The following MINAR1 variants were observed in gnomAD, a reference collection of about 807,000 sequenced individuals.
MINAR1 encodes the protein major intrinsically disordered Notch2-binding receptor 1.
A neutral mutation model predicts 65.1 loss-of-function variants in MINAR1; 40 were observed. The observed-to-expected ratio is 0.61, with a 90% CI of 0.48 to 0.80. The LOEUF (loss-of-function observed/expected upper bound fraction) is 0.80. Ranked by LOEUF, MINAR1 falls within the 30% of genes least tolerant of loss-of-function variation. MINAR1 has a pLI of 0.00. For synonymous variants in MINAR1, 482 were observed against 449.1 expected, an observed-to-expected ratio of 1.07 and a Z score of -0.93; for missense variants, 1,128 against 1,148.0, an observed-to-expected ratio of 0.98 and a Z score of 0.25.
chr15:79,443,773 T>C lies in MINAR1; in HGVS notation c.-51+11233T>C, dbSNP rs542883968. Among the ~76,000 whole-genome samples the C allele has an allele frequency of 2.0e-5, 3 of 152,326 alleles. No individual in the cohort carries two copies. The East Asian group carries it at 5.8e-4, about 29-fold the overall frequency. ...TCAAAAGTGTTTGATAACAGTTTTG[T>C]CTCCTTATGAACCTATGTGCATGCT... On this transcript the variant is annotated intron_variant, in intron 1 of 3. Transcript: ENST00000305428.
Position 79,463,103 on chromosome 15 carries a change from C to T in MINAR1, c.2335C>T (p.Leu779=). 6.2e-7 allele frequency: 1 copy of T among 1,614,156 alleles called. No individual in the cohort carries two copies. Among genetic ancestry groups the T allele is most frequent in the Non-Finnish European group, 8.5e-7 (1 of 1,179,988 alleles). The change falls in exon 3 of 4, where the codon CTG becomes TTG. Residue 779 remains leucine, a synonymous_variant. Coordinates refer to ENST00000305428, the MANE Select transcript of MINAR1 (RefSeq NM_015206.3). ...RQYDIPPQHR[L]PKQPKDGFLV... is the part of the protein sequence containing the mutation. Reference sequence around the variant, plus strand: ...GTACGACATTCCCCCACAGCACCGACTGCCCAAGCAGCCCAAAGATGGCTT... The same window carrying T: ...GTACGACATTCCCCCACAGCACCGATTGCCCAAGCAGCCCAAAGATGGCTT...
intron 2 of MINAR1, among the ~76,000 whole-genome samples, chr15:79,462,622 C>G (rs1194200924): frequency 6.6e-6 from 1 of 152,150 alleles, no homozygotes; most frequent in African/African-American, 2.4e-5. Context: ...GTATCTTTTA[C>G]TCATCTGTAC....
intron 1 of MINAR1, among the ~76,000 whole-genome samples, chr15:79,440,519 G>C (rs11072848): frequency 0.2 from 31,056 of 152,188 alleles, 3,373 homozygotes; most frequent in South Asian, 0.33. Context: ...AGTGTTCCCT[G>C]TCTTAGAAGC....
intron 3 of MINAR1, among the ~76,000 whole-genome samples, chr15:79,465,363 C>G (rs2141306022): frequency 6.6e-6 from 1 of 152,254 alleles, no homozygotes; most frequent in South Asian, 2.1e-4. Context: ...TATACATTCA[C>G]CATCAGTGGT....
chr15:79,423,939 G>A, the MINAR1 span: 1 of 152,224 alleles, frequency 6.6e-6, no homozygotes, highest in South Asian at 2.1e-4. Context: ...GCAGCTAACA[G>A]AGGGCCTGAC....
At chr15:79,428,795 A>G (rs1178334740), upstream of MINAR1, among the ~76,000 whole-genome samples, 1 of 152,184 alleles carries the variant, frequency 6.6e-6, no homozygotes, top group Non-Finnish European at 1.5e-5. Flanking sequence ...AGTTCAATAC[A>G]TCTAAAATGT....
chr15:79,450,559 TG>T (rs1366669538), intron 1 of MINAR1, among the ~76,000 whole-genome samples: 1 of 151,318 alleles, frequency 6.6e-6, no homozygotes, highest in African/African-American at 2.4e-5. Flanking sequence ...AGCTGAATAA[TG>T]AACCCCACAG....
intron 1 of MINAR1, among the ~76,000 whole-genome samples, chr15:79,452,006 A>G (rs1895219802): frequency 6.6e-6 from 1 of 151,814 alleles, no homozygotes; most frequent in Non-Finnish European, 1.5e-5. Flanking sequence ...GAGTGTGGAG[A>G]TTGTGAGTGA....
At chr15:79,451,113 A>AATGGG (rs1416622721) in intron 1 of MINAR1, among the ~76,000 whole-genome samples, 3 of 151,982 alleles carry the variant, frequency 2.0e-5, no homozygotes, top group African/African-American at 7.2e-5. Context: ...CCTTTCACAA[A>AATGGG]CCTCATCCCT....
chr15:79,458,254 C>T lies in MINAR1; in HGVS notation c.2107C>T (p.Leu703Phe), dbSNP rs1283290044. Reference sequence around the variant, plus strand: ...GCGGGTCAAGGCCTTAAAAAAAAGCCTCTTCACCAGGCCATCCTCTAGGTC... The same window carrying T: ...GCGGGTCAAGGCCTTAAAAAAAAGCTTCTTCACCAGGCCATCCTCTAGGTC... ...SLRVKALKKS[L>F]FTRPSSRSLT... Residue 703 changes from leucine (L) to phenylalanine (F), a missense_variant, in exon 2 of 4, where the codon CTC (leucine) becomes TTC (phenylalanine). Transcript: ENST00000305428. 3 of 1,614,158 alleles carry T rather than the reference C, an allele frequency of 1.9e-6. No individual in the cohort carries two copies. The highest frequency in any genetic ancestry group is 2.5e-6 in the Non-Finnish European group (3 of 1,180,046).
At chr15:79,444,183 T>C (rs1894946143) in intron 1 of MINAR1, among the ~76,000 whole-genome samples, 1 of 152,200 alleles carries the variant, frequency 6.6e-6, no homozygotes, top group Non-Finnish European at 1.5e-5. Flanking sequence ...AAAATTAGTA[T>C]CATATTAGTT....
chr15:79,452,236 TTGTG>T (rs1014858186), intron 1 of MINAR1, among the ~76,000 whole-genome samples: 20 of 151,760 alleles, frequency 1.3e-4, no homozygotes, highest in East Asian at 3.9e-4. Flanking sequence ...TATGAATGTG[TTGTG>T]TGTATGTGCA....
chr15:79,411,643 G>A, the MINAR1 span: 19 of 611,162 alleles, frequency 3.1e-5, no homozygotes, highest in Non-Finnish European at 5.0e-5. Flanking sequence ...GGGAACAGGT[G>A]AGTTAAACTG....
At chr15:79,416,977 C>G in the MINAR1 span, 1 of 152,268 alleles carries the variant, frequency 6.6e-6, no homozygotes, top group Non-Finnish European at 1.5e-5. Flanking sequence ...TCTGGAAAAT[C>G]TCTACCTTCC....
chr15:79,457,103 C>G lies in MINAR1; in HGVS notation c.956C>G (p.Pro319Arg), dbSNP rs984893553. 6.2e-7 allele frequency: 1 copy of G among 1,614,118 alleles called. No individual in the cohort carries two copies. The highest frequency in any genetic ancestry group is 1.3e-5 in the African/African-American group (1 of 75,026). ...NSQYLNPVYS[P>R]VPDKRRAKHE... is the part of the protein sequence containing the mutation. ...CAGTACCTGAATCCAGTGTATTCCCCGGTTCCTGACAAAAGGCGAGCAAAG... is the reference window on the plus strand; with the variant it reads ...CAGTACCTGAATCCAGTGTATTCCCGGGTTCCTGACAAAAGGCGAGCAAAG... Residue 319 changes from proline to arginine, a missense_variant, in exon 2 of 4, where the codon CCG becomes CGG. Transcript: ENST00000305428.
chr15:79,459,621 G>A lies in MINAR1; in HGVS notation c.2298+1176G>A, dbSNP rs188956262. Among the ~76,000 whole-genome samples, 183 of 152,318 alleles carry A rather than the reference G, an allele frequency of 1.2e-3. 1 individual carries two copies. Among genetic ancestry groups the A allele is most frequent in the African/African-American group, 4.2e-3 (174 of 41,558 alleles). ...GAGAGTGACAGTGGTGTGGGCTACA[G>A]ACATTCAAAGCCAGGGAGGAGGCCG... On this transcript the variant is annotated intron_variant, in intron 2 of 3. Transcript: ENST00000305428.
chr15:79,466,913 G>A (rs1386414155), intron 3 of MINAR1, among the ~76,000 whole-genome samples: 3 of 152,192 alleles, frequency 2.0e-5, no homozygotes, highest in Non-Finnish European at 4.4e-5. Flanking sequence ...TAGGAGCTGG[G>A]CCACTGCCAA....
chr15:79,413,163 A>G, the MINAR1 span: 1 of 152,240 alleles, frequency 6.6e-6, no homozygotes, highest in African/African-American at 2.4e-5. Context: ...AAACTAGAGT[A>G]CCTTCTTTCT....
chr15:79,444,734 C>A (rs1311388739), intron 1 of MINAR1, among the ~76,000 whole-genome samples: 2 of 151,078 alleles, frequency 1.3e-5, no homozygotes, highest in African/African-American at 2.4e-5. Flanking sequence ...CAGGTGATAT[C>A]TTTGGGTATA....
Sources: gnomAD v4.1 joint callset for allele counts (sites outside exome capture counted in the v4.1 genomes callset) on GRCh38, gnomAD v4.1.1 for gene constraint, MANE v1.5 for transcripts, NCBI Gene and HGNC (gene_info 2026-07-23, HGNC 2026-07-21) for gene names.